The following STAU2 variants were observed in gnomAD, a reference collection of about 807,000 sequenced individuals.
STAU2 encodes the protein staufen double-stranded RNA binding protein 2.
A neutral mutation model predicts 65.9 loss-of-function variants in STAU2; 20 were observed. The ratio of observed to expected loss-of-function variants is 0.30; its 90% CI spans 0.21 to 0.44. STAU2 has a LOEUF of 0.44. Ranked by LOEUF, STAU2 falls within the 20% of genes least tolerant of loss-of-function variation. The pLI, the probability that STAU2 is intolerant of heterozygous loss-of-function variation, is 1.00. For missense variants in STAU2, 558 were observed against 683.9 expected, an observed-to-expected ratio of 0.82 and a Z score of 2.05; for synonymous variants, 232 against 233.9, an observed-to-expected ratio of 0.99 and a Z score of 0.07.
Position 73,595,342 on chromosome 8 carries a change from A to C in STAU2, c.1030-45T>G, listed in dbSNP as rs775678085. 1.6e-5 allele frequency: 25 copies of C among 1,518,196 alleles called. No individual in the cohort carries two copies. In the South Asian group the frequency reaches 3.2e-4, roughly 19 times the overall value. The allele number at this position is 1,518,196 out of a possible 1,614,324, so 94.0% of individuals were successfully genotyped here. A position where few individuals can be genotyped will look rare whatever the true frequency, so the allele number is the denominator to read the frequency against. On this transcript the variant is annotated intron_variant, in intron 10 of 14. Transcript: ENST00000524300. ...AAATTAAAGAAATACATTTATGATA[A>C]ATTTAAACAGGAAGTCCTTACATCA...
intron 3 of STAU2, among the ~76,000 whole-genome samples, chr8:73,717,362 T>G (rs886676293): frequency 2.0e-5 from 3 of 152,196 alleles, no homozygotes; most frequent in Non-Finnish European, 1.5e-5. Context: ...CTAAAAATTT[T>G]TTTCTCCTGT....
At chr8:73,629,343 A>T (rs1371708206) in intron 6 of STAU2, among the ~76,000 whole-genome samples, 1 of 152,236 alleles carries the variant, frequency 6.6e-6, no homozygotes, top group Non-Finnish European at 1.5e-5. Flanking sequence ...AACACATCAT[A>T]AAAATTATAA....
intron 5 of STAU2, among the ~76,000 whole-genome samples, chr8:73,682,485 C>CA (rs1239320151): frequency 1.3e-5 from 2 of 151,718 alleles, no homozygotes; most frequent in Admixed American, 6.6e-5. Flanking sequence ...GTGCTAAGAG[C>CA]AAAGTTTACA....
At chr8:73,488,470 G>A (rs1441509597) in intron 13 of STAU2, among the ~76,000 whole-genome samples, 1 of 151,836 alleles carries the variant, frequency 6.6e-6, no homozygotes. Flanking sequence ...CCAAAGCAAA[G>A]GCAAAATGAC....
At chr8:73,575,433 T>C (rs1038106800) in intron 12 of STAU2, among the ~76,000 whole-genome samples, 6 of 152,136 alleles carry the variant, frequency 3.9e-5, no homozygotes, top group Non-Finnish European at 7.4e-5. Flanking sequence ...TCTGGCAACA[T>C]CCATCAAAAT....
rs1485478224 is a variant in STAU2 at position 73,585,285 on chromosome 8, A to G, written c.1162-2455T>C. ...CACCTGAGGTCGGGAGTTCAAGACC[A>G]GCCTGACCAACATGGAGAAACCCCG... On this transcript the variant is annotated intron_variant, in intron 11 of 14. Coordinates refer to ENST00000524300, the MANE Select transcript of STAU2 (RefSeq NM_001164380.2). Among the ~76,000 whole-genome samples, 6 of 152,218 alleles carry G rather than the reference A, an allele frequency of 3.9e-5. No homozygotes were observed. In the South Asian group the frequency reaches 1.2e-3, roughly 32 times the overall value.
chr8:73,739,814 CTTTT>C lies in STAU2; in HGVS notation c.-146_-143del. On this transcript the variant is annotated 5_prime_UTR_variant, in exon 2 of 15. Coordinates refer to ENST00000524300, the MANE Select transcript of STAU2 (RefSeq NM_001164380.2). ...CTTTGAGTTCTTCTTTTTCTGTCTT[CTTTT>C]TTTTCTTCAATCTTTAAAAAGTAAG... The C allele has an allele frequency of 6.6e-7, 1 of 1,511,128 alleles. No homozygotes were observed. The highest frequency in any genetic ancestry group is 8.9e-7 in the Non-Finnish European group (1 of 1,127,292). 93.6% of individuals were successfully genotyped at this position (1,511,128 alleles called of 1,614,324 possible). A position where few individuals can be genotyped will look rare whatever the true frequency, so the allele number is the denominator to read the frequency against.
At chr8:73,583,304 C>T (rs2128962927) in intron 11 of STAU2, among the ~76,000 whole-genome samples, 1 of 152,106 alleles carries the variant, frequency 6.6e-6, no homozygotes, top group East Asian at 1.9e-4. Context: ...TGCCACCACG[C>T]CCGGCTAATT....
Position 73,581,836 on chromosome 8 carries a change from A to G in STAU2, c.1222+934T>C, listed in dbSNP as rs967273186. 2.0e-5 allele frequency among the ~76,000 whole-genome samples: 3 copies of G among 152,344 alleles called. No homozygotes were observed. The South Asian group carries it at 6.2e-4, about 32-fold the overall frequency. Reference sequence around the variant, plus strand: ...TCAATTCTTATGAGCATACTTTGATAAGAATTTGTTACTAATTTCATTATA... The same window carrying G: ...TCAATTCTTATGAGCATACTTTGATGAGAATTTGTTACTAATTTCATTATA... On this transcript the variant is annotated intron_variant, in intron 12 of 14. Coordinates refer to ENST00000524300, the MANE Select transcript of STAU2 (RefSeq NM_001164380.2).
chr8:73,727,446 T>C (rs1158701512), intron 3 of STAU2, among the ~76,000 whole-genome samples: 1 of 152,192 alleles, frequency 6.6e-6, no homozygotes, highest in East Asian at 1.9e-4. Flanking sequence ...CTATTGTGGA[T>C]ATTTCACATA....
chr8:73,697,108 C>T (rs1819738324), intron 4 of STAU2, among the ~76,000 whole-genome samples: 1 of 152,238 alleles, frequency 6.6e-6, no homozygotes, highest in African/African-American at 2.4e-5. Context: ...GGCTGGAATG[C>T]AGTGATGCGA....
At chr8:73,448,868 C>A (rs1585778933) in intron 13 of STAU2, among the ~76,000 whole-genome samples, 1 of 152,274 alleles carries the variant, frequency 6.6e-6, no homozygotes, top group African/African-American at 2.4e-5. Flanking sequence ...CGGTCCCTGC[C>A]GTGGGCGCTA....
At chr8:73,447,319 TGCAA>T (rs1393894784) in intron 13 of STAU2, among the ~76,000 whole-genome samples, 2 of 152,252 alleles carry the variant, frequency 1.3e-5, no homozygotes, top group Non-Finnish European at 2.9e-5. Context: ...CTAACTCTTC[TGCAA>T]CTTTTTTTTC....
rs368557774 is a variant in STAU2 at position 73,588,391 on chromosome 8, C to T, written c.1162-5561G>A. ...CATGATAGTTTAGAAAAACTGGGAG[C>T]TCCAGACAGCAGCTCTTTTCCATTG... is the stretch of plus-strand genomic sequence containing the variant. On this transcript the variant is annotated intron_variant, in intron 11 of 14. Coordinates refer to ENST00000524300, the MANE Select transcript of STAU2 (RefSeq NM_001164380.2). Among the ~76,000 whole-genome samples, 5 of 152,324 alleles carry T rather than the reference C, an allele frequency of 3.3e-5. No individual in the cohort carries two copies. In the East Asian group the frequency reaches 5.8e-4, roughly 18 times the overall value.
intron 4 of STAU2, among the ~76,000 whole-genome samples, chr8:73,692,413 G>A (rs1819392275): frequency 6.6e-6 from 1 of 151,934 alleles, no homozygotes; most frequent in Non-Finnish European, 1.5e-5. Context: ...GGCCAGGCTG[G>A]TCTCGAACTC....
At chr8:73,526,489 A>C (rs1459553487) in intron 13 of STAU2, among the ~76,000 whole-genome samples, 1 of 152,148 alleles carries the variant, frequency 6.6e-6, no homozygotes, top group Non-Finnish European at 1.5e-5. Context: ...GAGAAGATAG[A>C]CTCTTTATTC....
chr8:73,706,279 G>A (rs996103701), intron 4 of STAU2, among the ~76,000 whole-genome samples: 3 of 151,810 alleles, frequency 2.0e-5, no homozygotes, highest in Non-Finnish European at 2.9e-5. Context: ...ACCACACCCC[G>A]GCTAATTTTT....
chr8:73,576,243 T>C (rs1809540221), intron 12 of STAU2, among the ~76,000 whole-genome samples: 1 of 152,128 alleles, frequency 6.6e-6, no homozygotes, highest in Admixed American at 6.5e-5. Flanking sequence ...ATCCCAACTG[T>C]GGACCAACAG....
intron 3 of STAU2, among the ~76,000 whole-genome samples, chr8:73,719,090 G>A (rs546741893): frequency 3.0e-4 from 45 of 152,234 alleles, no homozygotes; most frequent in African/African-American, 9.6e-4. Context: ...TGGACATCCC[G>A]TCTTCTTTTT....
Sources: allele counts gnomAD v4.1 joint callset (sites outside exome capture counted in the v4.1 genomes callset), GRCh38; gene constraint gnomAD v4.1.1; transcripts MANE v1.5; gene names NCBI Gene and HGNC (gene_info 2026-07-23, HGNC 2026-07-21).